The following SNX8 variants were observed in gnomAD, a reference collection of about 807,000 sequenced individuals.
SNX8 encodes the protein sorting nexin-8.
In SNX8, 25 loss-of-function variants were observed where a neutral mutation model predicts 51.6. That is an observed-to-expected ratio of 0.48 (90% CI 0.35 to 0.68). SNX8 has a LOEUF of 0.68. Ranked by LOEUF, SNX8 falls within the 30% of genes least tolerant of loss-of-function variation. The pLI is 0.00. For synonymous variants in SNX8, 324 were observed against 277.0 expected (o/e 1.17, Z -1.68); for missense variants, 695 against 624.0 (o/e 1.11, Z -1.21).
intron 1 of SNX8, among the ~76,000 whole-genome samples, chr7:2,301,322 G>T (rs1317490460): frequency 6.6e-6 from 1 of 152,164 alleles, no homozygotes; most frequent in Non-Finnish European, 1.5e-5. Context: ...CCACCTATTG[G>T]CCGTGTGCTC....
intron 4 of SNX8, among the ~76,000 whole-genome samples, chr7:2,270,777 G>A (rs1795626181): frequency 6.6e-6 from 1 of 152,182 alleles, no homozygotes; most frequent in South Asian, 2.1e-4. Context: ...AAGACAAAAG[G>A]AACCAAGGCT....
At position 2,257,744 on chromosome 7, in the gene SNX8, C is replaced by A. The variant is rs772863472; in HGVS notation, c.975G>T (p.Gln325His). Residue 325 changes from glutamine to histidine, a missense_variant, in exon 8 of 11, where the codon CAG becomes CAT. Coordinates refer to ENST00000222990, the MANE Select transcript of SNX8 (RefSeq NM_013321.4). ...AGCAGCCAAGACTCACCTTATAGGA[C>A]TGCAGCAGATCCAAGAAGAGGTTCA... The part of the protein sequence containing the change: ...EKLNLFLDLL[Q>H]SYKDLCERHE... 8 of 1,613,988 alleles carry A rather than the reference C, an allele frequency of 5.0e-6. No homozygotes were observed. The South Asian group carries it at 8.8e-5, about 18-fold the overall frequency.
In SNX8 at chr7:2,253,952, G is replaced by C. The variant is rs528372856; in HGVS notation, c.*1104C>G. 6.6e-6 allele frequency: 1 copy of C among 152,456 alleles called. No individual in the cohort carries two copies. The highest frequency in any genetic ancestry group is 2.1e-4 in the South Asian group (1 of 4,830). The allele number at this position is 152,456 out of a possible 1,614,324, so 9.4% of individuals were successfully genotyped here. A position where few individuals can be genotyped will look rare whatever the true frequency, so the allele number is the denominator to read the frequency against. On this transcript the variant is annotated 3_prime_UTR_variant, in exon 11 of 11. Coordinates refer to ENST00000222990, the MANE Select transcript of SNX8 (RefSeq NM_013321.4). The stretch of plus-strand genomic sequence containing the variant: ...GGGCGTCAGGCTCCGGAGAAGTGCA[G>C]GGGTCCACTGGGCTCCCATGTACCT...
At chr7:2,271,699 G>A in intron 4 of SNX8, 151 bp downstream of exon 4, 1 of 867,288 alleles carries the variant, frequency 1.2e-6, no homozygotes, top group Non-Finnish European at 1.7e-6. Flanking sequence ...CTGTTATCTG[G>A]AAAGGAAAGA....
chr7:2,281,831 C>T (rs573870534), intron 1 of SNX8, among the ~76,000 whole-genome samples: 4 of 152,270 alleles, frequency 2.6e-5, no homozygotes, highest in South Asian at 2.1e-4. Flanking sequence ...CAAATCCGTG[C>T]GGTGGGTGTA....
At chr7:2,332,967 A>G (rs1562461055) in intron 1 of SNX8, among the ~76,000 whole-genome samples, 2 of 152,236 alleles carry the variant, frequency 1.3e-5, no homozygotes, top group South Asian at 4.2e-4. Context: ...ATCTGATTTC[A>G]AGACTTCTAA....
At chr7:2,277,452 G>GCTGGT (rs1795806189) in intron 2 of SNX8, among the ~76,000 whole-genome samples, 1 of 151,922 alleles carries the variant, frequency 6.6e-6, no homozygotes, top group African/African-American at 2.4e-5. Context: ...ACAAAGCGAG[G>GCTGGT]CTGGTGTGGA....
intron 1 of SNX8, among the ~76,000 whole-genome samples, chr7:2,286,635 C>T (rs1396468474): frequency 1.3e-5 from 2 of 151,500 alleles, no homozygotes; most frequent in Non-Finnish European, 2.9e-5. Flanking sequence ...TCTCCTGCCT[C>T]AGCCTCCTGA....
chr7:2,275,683 C>T (rs568862943), intron 2 of SNX8, among the ~76,000 whole-genome samples: 11 of 150,156 alleles, frequency 7.3e-5, no homozygotes, highest in Admixed American at 3.3e-4. Context: ...GCCTGGACGA[C>T]AAAGCGAGAC....
intron 2 of SNX8, among the ~76,000 whole-genome samples, chr7:2,275,942 G>A (rs542980266): frequency 1.3e-5 from 2 of 151,510 alleles, no homozygotes; most frequent in East Asian, 3.9e-4. Flanking sequence ...AGCTTGCGGT[G>A]AGCTGAGATC....
At chr7:2,335,659 T>C (rs562907222) in intron 1 of SNX8, among the ~76,000 whole-genome samples, 140 of 151,382 alleles carry the variant, frequency 9.2e-4, no homozygotes, top group African/African-American at 3.3e-3. Flanking sequence ...AAAAATTAGC[T>C]GGGCGTGGTG....
At chr7:2,316,007 GCATT>G (rs1360117142), upstream of SNX8, among the ~76,000 whole-genome samples, 63 of 134,186 alleles carry the variant, frequency 4.7e-4, no homozygotes, top group African/African-American at 1.7e-3. Context: ...ACTGCATCCT[GCATT>G]CATTCACCCA....
chr7:2,351,824 C>G (rs992288886), intron 1 of SNX8, among the ~76,000 whole-genome samples: 7 of 150,960 alleles, frequency 4.6e-5, no homozygotes, highest in Admixed American at 1.3e-4. Context: ...GAGTGAGACT[C>G]CATCTCAAAA....
At chr7:2,327,788 C>T (rs1450530768) in intron 1 of SNX8, among the ~76,000 whole-genome samples, 2 of 152,162 alleles carry the variant, frequency 1.3e-5, no homozygotes, top group Non-Finnish European at 2.9e-5. Flanking sequence ...GTGATCCGCC[C>T]GCCTTGGCCT....
At chr7:2,300,036 G>GT (rs1166710801) in intron 1 of SNX8, among the ~76,000 whole-genome samples, 1 of 152,170 alleles carries the variant, frequency 6.6e-6, no homozygotes, top group African/African-American at 2.4e-5. Flanking sequence ...ACCAGAAAAT[G>GT]TAACGCCTCA....
At position 2,275,199 on chromosome 7, in the gene SNX8, T is replaced by C. The variant is rs1482282754; in HGVS notation, c.331A>G (p.Asn111Asp). ...ATCTCCTGGAAGACCACGAAGTCAT[T>C]GTACCGTCTGTATACCGAGGACTTG... is the stretch of plus-strand genomic sequence containing the variant. ...RFKSSVYRRY[N>D]DFVVFQEMLL... is the part of the protein sequence containing the mutation. The change falls in exon 3 of 11, where the codon AAT becomes GAT. Residue 111 changes from asparagine to aspartate, a missense_variant. Coordinates refer to ENST00000222990, the MANE Select transcript of SNX8 (RefSeq NM_013321.4). 1 of 1,613,946 alleles carries C rather than the reference T, an allele frequency of 6.2e-7. No individual in the cohort carries two copies. The highest frequency in any genetic ancestry group is 1.3e-5 in the African/African-American group (1 of 74,930).
intron 7 of SNX8, among the ~76,000 whole-genome samples, chr7:2,261,021 G>T (rs1048558803): frequency 6.6e-6 from 1 of 152,224 alleles, no homozygotes; most frequent in Admixed American, 6.5e-5. Context: ...TGGGCACCCC[G>T]CCAACAGCCA....
At chr7:2,327,028 G>C (rs1778633423) in intron 1 of SNX8, among the ~76,000 whole-genome samples, 2 of 152,142 alleles carry the variant, frequency 1.3e-5, no homozygotes, top group South Asian at 4.1e-4. Flanking sequence ...CAGAGTGCTT[G>C]AGGCTAGAAG....
At chr7:2,275,858 C>T (rs572463404) in intron 2 of SNX8, among the ~76,000 whole-genome samples, 1 of 152,050 alleles carries the variant, frequency 6.6e-6, no homozygotes, top group Non-Finnish European at 1.5e-5. Context: ...ATTAGCCGGG[C>T]GTGGTGGTGG....
Sources: allele counts gnomAD v4.1 joint callset (sites outside exome capture counted in the v4.1 genomes callset), GRCh38; gene constraint gnomAD v4.1.1; transcripts MANE v1.5; gene names NCBI Gene and HGNC (gene_info 2026-07-23, HGNC 2026-07-21).